The following CUX1 variants were observed in gnomAD, a reference collection of about 807,000 sequenced individuals.
CUX1 encodes protein CASP.
In CUX1, 31 loss-of-function variants were observed where a neutral mutation model predicts 158.8. That is an observed-to-expected ratio of 0.20 (90% confidence interval 0.15 to 0.26). The LOEUF (loss-of-function observed/expected upper bound fraction) is 0.26, where lower values mean the gene tolerates loss of function less well. Ranked by LOEUF, CUX1 falls within the 10% of genes least tolerant of loss-of-function variation. The probability of loss-of-function intolerance (pLI) is 1.00; values close to 1 mark genes in which losing one functional copy is unlikely to be tolerated. For synonymous variants in CUX1, 879 were observed against 862.1 expected (o/e 1.02, Z -0.34); for missense variants, 1,589 against 2,014.6 (o/e 0.79, Z 4.04).
intron 23 of CUX1, among the ~76,000 whole-genome samples, chr7:102,240,294 G>A (rs1554534502): frequency 1.3e-5 from 2 of 152,078 alleles, no homozygotes; most frequent in African/African-American, 2.4e-5. Context: ...TTAGAGACAA[G>A]GGCTTGCTCT....
intron 3 of CUX1, among the ~76,000 whole-genome samples, chr7:102,044,419 A>G (rs1479200828): frequency 6.7e-6 from 1 of 148,568 alleles, no homozygotes; most frequent in Admixed American, 6.7e-5. Context: ...CGAACTCCTG[A>G]CCTCAGGTGA....
chr7:102,127,838 T>C lies in CUX1; in HGVS notation c.674+12565T>C, dbSNP rs549528802. Among the ~76,000 whole-genome samples the C allele has an allele frequency of 6.0e-3, 904 of 151,664 alleles. 11 individuals carry two copies. The highest frequency in any genetic ancestry group is 0.021 in the African/African-American group (867 of 41,194). ...GTGGCATCTTTTTCGTGTTTTTTGT[T>C]TGTTTGTTTGTTTGTTTTGTTTTGT... On this transcript the variant is annotated intron_variant, in intron 8 of 23. Coordinates refer to ENST00000292535, the MANE Select transcript of CUX1 (RefSeq NM_181552.4).
At chr7:102,028,707 A>G (rs1177648452) in intron 3 of CUX1, among the ~76,000 whole-genome samples, 1 of 152,218 alleles carries the variant, frequency 6.6e-6, no homozygotes, top group Non-Finnish European at 1.5e-5. Context: ...GTGGGTGGCA[A>G]GTCACCTGGG....
At chr7:101,846,690 A>G (rs1795731129) in intron 1 of CUX1, among the ~76,000 whole-genome samples, 1 of 152,154 alleles carries the variant, frequency 6.6e-6, no homozygotes, top group African/African-American at 2.4e-5. Context: ...GTGCTAATAC[A>G]TTAAAACAGC....
chr7:102,282,627 T>A (rs1348399164), intron 21 of CUX1: 10 of 1,458,392 alleles, frequency 6.9e-6, no homozygotes, highest in Non-Finnish European at 8.5e-6. Flanking sequence ...ACCTTTATGT[T>A]CCAGGCCAGG....
intron 8 of CUX1, among the ~76,000 whole-genome samples, chr7:102,122,867 G>A (rs1832199926): frequency 6.6e-6 from 1 of 152,018 alleles, no homozygotes; most frequent in Non-Finnish European, 1.5e-5. Flanking sequence ...GACAGGGTGG[G>A]AGGGGGCTTA....
chr7:101,935,353 C>T (rs1282815283), intron 2 of CUX1, among the ~76,000 whole-genome samples: 1 of 152,142 alleles, frequency 6.6e-6, no homozygotes, highest in East Asian at 1.9e-4. Context: ...TCAGACTCAG[C>T]CCACCTGCAC....
At chr7:101,914,403 C>T (rs1451686720) in intron 1 of CUX1, among the ~76,000 whole-genome samples, 1 of 128,016 alleles carries the variant, frequency 7.8e-6, no homozygotes, top group East Asian at 2.5e-4. Flanking sequence ...TCTTTCCCTC[C>T]CTCCCTCCCT....
Position 101,934,482 on chromosome 7 carries a change from G to A in CUX1, c.141+18257G>A, listed in dbSNP as rs534885679. Among the ~76,000 whole-genome samples, 67 of 152,274 alleles carry A rather than the reference G, an allele frequency of 4.4e-4. 1 individual carries two copies. In the South Asian group the frequency reaches 0.013, roughly 30 times the overall value. On this transcript the variant is annotated intron_variant, in intron 2 of 23. Coordinates refer to ENST00000292535, the MANE Select transcript of CUX1 (RefSeq NM_181552.4). Reference sequence around the variant, plus strand: ...TGTTTGTTTCTAGAAACTTTGAGGTGGAGGAATTATTGTTCCTTCTTCTTG... The same window carrying A: ...TGTTTGTTTCTAGAAACTTTGAGGTAGAGGAATTATTGTTCCTTCTTCTTG...
At chr7:102,060,090 A>G (rs1824617137) in intron 3 of CUX1, among the ~76,000 whole-genome samples, 1 of 150,106 alleles carries the variant, frequency 6.7e-6, no homozygotes, top group South Asian at 2.1e-4. Context: ...CCTGGCTAAC[A>G]TGGTGAAACC....
intron 10 of CUX1, among the ~76,000 whole-genome samples, chr7:102,174,516 G>A (rs918178441): frequency 1.1e-4 from 17 of 152,274 alleles, no homozygotes; most frequent in Non-Finnish European, 1.8e-4. Context: ...CTGACAGGCC[G>A]CTGCTTCTCA....
intron 3 of CUX1, among the ~76,000 whole-genome samples, chr7:102,047,138 G>A (rs1563173098): frequency 6.6e-6 from 1 of 152,144 alleles, no homozygotes; most frequent in Non-Finnish European, 1.5e-5. Context: ...GGTTAGTGGT[G>A]GTAGGTGAAT....
intron 20 of CUX1, among the ~76,000 whole-genome samples, chr7:102,222,157 G>C (rs1425224872): frequency 2.0e-5 from 3 of 152,006 alleles, no homozygotes; most frequent in African/African-American, 7.2e-5. Flanking sequence ...GCTACTTTGG[G>C]TCATACATTG....
At chr7:101,823,837 G>A (rs1402814204) in intron 1 of CUX1, among the ~76,000 whole-genome samples, 1 of 152,232 alleles carries the variant, frequency 6.6e-6, no homozygotes, top group Non-Finnish European at 1.5e-5. Context: ...CTGTCGTACC[G>A]TCATTAAAAA....
intron 23 of CUX1, among the ~76,000 whole-genome samples, chr7:102,246,254 C>T (rs1233149359): frequency 6.6e-6 from 1 of 152,122 alleles, no homozygotes; most frequent in African/African-American, 2.4e-5. Context: ...AAAGCCATAG[C>T]GCCCAGGAAC....
intron 8 of CUX1, among the ~76,000 whole-genome samples, chr7:102,118,892 C>T (rs910968656): frequency 1.3e-5 from 2 of 152,216 alleles, no homozygotes; most frequent in Non-Finnish European, 2.9e-5. Flanking sequence ...GCTGGGATTA[C>T]AGGCGTGCGC....
intron 3 of CUX1, among the ~76,000 whole-genome samples, chr7:102,057,996 C>T (rs1824357559): frequency 6.6e-6 from 1 of 152,108 alleles, no homozygotes; most frequent in Non-Finnish European, 1.5e-5. Context: ...GCCACAGTCA[C>T]CCCAAGCTTC....
At chr7:101,832,799 C>T (rs1408520382) in intron 1 of CUX1, among the ~76,000 whole-genome samples, 1 of 152,176 alleles carries the variant, frequency 6.6e-6, no homozygotes, top group Admixed American at 6.5e-5. Flanking sequence ...ACTGCCACTT[C>T]TGGGCGCGTC....
At chr7:102,164,995 G>C (rs1585997267) in intron 9 of CUX1, among the ~76,000 whole-genome samples, 1 of 152,074 alleles carries the variant, frequency 6.6e-6, no homozygotes, top group South Asian at 2.1e-4. Context: ...AAACTGGCAG[G>C]GTGGGGGAAG....
Sources: gnomAD v4.1 joint callset for allele counts (sites outside exome capture counted in the v4.1 genomes callset) on GRCh38, gnomAD v4.1.1 for gene constraint, MANE v1.5 for transcripts, NCBI Gene and HGNC (gene_info 2026-07-23, HGNC 2026-07-21) for gene names.